ABTB2: variants seen among roughly 807,000 people sequenced by gnomAD.
ABTB2 encodes ankyrin repeat and BTB domain containing 2, also known as ankyrin repeat and BTB/POZ domain-containing protein 2.
A neutral mutation model predicts 104.1 loss-of-function variants in ABTB2; 56 were observed. The ratio of observed to expected loss-of-function variants is 0.54; its 90% CI spans 0.43 to 0.67. The LOEUF (loss-of-function observed/expected upper bound fraction) is 0.67, where lower values mean the gene tolerates loss of function less well. ABTB2 is among the 30% of genes least tolerant of loss of function. The pLI is 0.00. For missense variants in ABTB2, 1,279 were observed against 1,407.7 expected (o/e 0.91, Z 1.46); for synonymous variants, 606 against 608.2 (o/e 1.00, Z 0.05).
At position 34,152,144 on chromosome 11, in the gene ABTB2, A is replaced by C. The variant is rs1164246270; in HGVS notation, c.*243T>G. The stretch of plus-strand genomic sequence containing the variant: ...GAGTGCATGGCTGCCCTTGAGTTGC[A>C]AACTGAGATGGGGAGGAGGGCCACC... On this transcript the variant is annotated 3_prime_UTR_variant, in exon 17 of 17. Transcript: ENST00000435224. 1.9e-6 allele frequency: 1 copy of C among 528,450 alleles called. No individual in the cohort carries two copies. Among genetic ancestry groups the C allele is most frequent in the East Asian group, 3.4e-5 (1 of 29,652 alleles). 32.7% of individuals were successfully genotyped at this position (528,450 alleles called of 1,614,324 possible). A position where few individuals can be genotyped will look rare whatever the true frequency, so the allele number is the denominator to read the frequency against.
chr11:34,195,075 C>CGGA (rs1554982289), intron 3 of ABTB2, among the ~76,000 whole-genome samples: 2 of 18,076 alleles, frequency 1.1e-4, no homozygotes, highest in Non-Finnish European at 2.0e-4. Context: ...AGATGCCCGG[C>CGGA]GGGGGGGGGG....
intron 3 of ABTB2, among the ~76,000 whole-genome samples, chr11:34,194,159 G>A (rs1045667888): frequency 1.8e-4 from 28 of 152,178 alleles, no homozygotes; most frequent in Admixed American, 7.2e-4. Flanking sequence ...AGACTTGAGT[G>A]GTTCCATCAA....
chr11:34,317,803 T>A (rs960241840), intron 1 of ABTB2, among the ~76,000 whole-genome samples: 4 of 150,168 alleles, frequency 2.7e-5, no homozygotes, highest in Non-Finnish European at 4.4e-5. Flanking sequence ...TTTAAAAAAA[T>A]TTCAGATTTG....
chr11:34,171,605 A>G (rs1276575838), intron 4 of ABTB2, among the ~76,000 whole-genome samples: 1 of 152,154 alleles, frequency 6.6e-6, no homozygotes, highest in Non-Finnish European at 1.5e-5. Flanking sequence ...GTAAGTAAGT[A>G]AGTGTTCTGA....
At chr11:34,296,206 T>A in intron 1 of ABTB2, among the ~76,000 whole-genome samples, 1 of 152,084 alleles carries the variant, frequency 6.6e-6, no homozygotes, top group Admixed American at 6.6e-5. Flanking sequence ...TTGAGCTCCC[T>A]TGATGCCAGC....
rs762895712 is a variant in ABTB2 at position 34,356,990 on chromosome 11, G to A, written c.594C>T (p.Ser198=). The change falls in exon 1 of 17, where the codon TCC becomes TCT. Residue 198 remains serine, a synonymous_variant. Transcript: ENST00000435224. This position sits in a 1 kb window ranked among gnomAD's most constrained non-coding sequence, Gnocchi z 4.6. ...SAGDGLRRGK[S]ARCGLTFSVG... is the part of the protein sequence containing the mutation. The stretch of plus-strand genomic sequence containing the variant: ...CTGAGAAGGTGAGGCCGCAGCGCGC[G>A]GACTTGCCCCGGCGCAGCCCGTCGC... The A allele has an allele frequency of 5.7e-6, 9 of 1,586,966 alleles. No homozygotes were observed. The highest frequency in any genetic ancestry group is 3.6e-5 in the Admixed American group (2 of 55,710).
chr11:34,284,770 C>A (rs1260559289), intron 1 of ABTB2, among the ~76,000 whole-genome samples: 1 of 152,162 alleles, frequency 6.6e-6, no homozygotes, highest in Non-Finnish European at 1.5e-5. Context: ...GGACCCAAGT[C>A]CAGCACTGCA....
At chr11:34,262,861 G>A (rs1854204781) in intron 1 of ABTB2, among the ~76,000 whole-genome samples, 4 of 152,154 alleles carry the variant, frequency 2.6e-5, no homozygotes, top group Admixed American at 2.0e-4. Flanking sequence ...TCAGTACCCA[G>A]CACTGCGCTC....
chr11:34,211,699 G>A (rs1302937412), intron 1 of ABTB2, among the ~76,000 whole-genome samples: 1 of 151,890 alleles, frequency 6.6e-6, no homozygotes, highest in Non-Finnish European at 1.5e-5. Flanking sequence ...TTCGAGACCA[G>A]CCTGTCCAAC....
At chr11:34,308,497 C>A (rs1031824820) in intron 1 of ABTB2, among the ~76,000 whole-genome samples, 2 of 152,154 alleles carry the variant, frequency 1.3e-5, no homozygotes, top group African/African-American at 4.8e-5. Context: ...CCTGAGGGCA[C>A]AAGCACTGTA....
At chr11:34,260,735 G>A (rs1048643239) in intron 1 of ABTB2, among the ~76,000 whole-genome samples, 1 of 152,172 alleles carries the variant, frequency 6.6e-6, no homozygotes, top group Admixed American at 6.5e-5. Flanking sequence ...GAAGCCCATG[G>A]AGACTAAGTG....
Position 34,356,218 on chromosome 11 carries a change from C to T in ABTB2, c.883+483G>A, listed in dbSNP as rs980582836. ...AGATCTTGGGCTTCCCACTTCCCTC[C>T]GCCCATCTTACTTATCCAAGGTTCA... On this transcript the variant is annotated intron_variant, in intron 1 of 16. Coordinates refer to ENST00000435224, the MANE Select transcript of ABTB2 (RefSeq NM_145804.3). The surrounding 1 kb of genome is among the most constrained non-coding windows in gnomAD (Gnocchi z 4.6). Among the ~76,000 whole-genome samples, 4 of 152,200 alleles carry T rather than the reference C, an allele frequency of 2.6e-5. No homozygotes were observed. Among genetic ancestry groups the T allele is most frequent in the African/African-American group, 9.6e-5 (4 of 41,456 alleles).
intron 1 of ABTB2, among the ~76,000 whole-genome samples, chr11:34,351,291 TG>T (rs1012249832): frequency 2.1e-4 from 32 of 152,346 alleles, no homozygotes; most frequent in African/African-American, 7.2e-4. Flanking sequence ...AATTGTCCTC[TG>T]GGGCAGCTCT....
chr11:34,151,741 A>ACTC lies in ABTB2; in HGVS notation c.*643_*645dup, dbSNP rs1852541975. 2.0e-5 allele frequency: 3 copies of ACTC among 152,490 alleles called. 1 individual carries two copies. Among genetic ancestry groups the ACTC allele is most frequent in the South Asian group, 4.1e-4 (2 of 4,820 alleles). 9.4% of individuals were successfully genotyped at this position (152,490 alleles called of 1,614,324 possible). A position where few individuals can be genotyped will look rare whatever the true frequency, so the allele number is the denominator to read the frequency against. On this transcript the variant is annotated 3_prime_UTR_variant, in exon 17 of 17. Coordinates refer to ENST00000435224, the MANE Select transcript of ABTB2 (RefSeq NM_145804.3). ...CAAGCTGGTAGTCCTGATGGGAGGG[A>ACTC]CTCTGGAAGCCCAGGCACCAAAGAC... is the stretch of plus-strand genomic sequence containing the variant.
At chr11:34,184,170 G>C (rs949630764) in intron 3 of ABTB2, among the ~76,000 whole-genome samples, 2 of 152,118 alleles carry the variant, frequency 1.3e-5, no homozygotes, top group Non-Finnish European at 1.5e-5. Flanking sequence ...CTCACGAAAG[G>C]GGGAGCTGCT....
At chr11:34,268,132 C>T (rs189747540) in intron 1 of ABTB2, among the ~76,000 whole-genome samples, 1 of 152,060 alleles carries the variant, frequency 6.6e-6, no homozygotes, top group East Asian at 1.9e-4. Flanking sequence ...AGGTTTTCTC[C>T]ATGTTGCCCA....
Position 34,170,995 on chromosome 11 carries a change from A to G in ABTB2, c.1474T>C (p.Phe492Leu), listed in dbSNP as rs780786352. 6.2e-7 allele frequency: 1 copy of G among 1,614,200 alleles called. No homozygotes were observed. Reference protein sequence around the residue: ...ATEKFNQDLGFRMLNCGRTDL... With the variant: ...ATEKFNQDLGLRMLNCGRTDL... ...GTCCTCCCACAGTTGAGCATGCGGA[A>G]ACCCAGGTCCTGGTTGAATTTTTCA... The change falls in exon 5 of 17, where the codon TTC becomes CTC. Residue 492 changes from phenylalanine (F) to leucine (L), a missense_variant. Phe to Leu is a conservative substitution (Grantham distance 22). Coordinates refer to ENST00000435224, the MANE Select transcript of ABTB2 (RefSeq NM_145804.3).
chr11:34,336,970 G>A (rs1234641125), intron 1 of ABTB2, among the ~76,000 whole-genome samples: 1 of 152,098 alleles, frequency 6.6e-6, no homozygotes, highest in African/African-American at 2.4e-5. Flanking sequence ...CAAGTAAACT[G>A]AGGCACCGAG....
intron 1 of ABTB2, among the ~76,000 whole-genome samples, chr11:34,308,345 T>C (rs1226431391): frequency 6.6e-6 from 1 of 152,200 alleles, no homozygotes; most frequent in Non-Finnish European, 1.5e-5. Context: ...CACAGCTTGT[T>C]TAAAGCAGCA....
Sources: allele counts gnomAD v4.1 joint callset (sites outside exome capture counted in the v4.1 genomes callset), GRCh38; gene constraint gnomAD v4.1.1; non-coding constraint Gnocchi (gnomAD v3.1); transcripts MANE v1.5; gene names NCBI Gene and HGNC (gene_info 2026-07-23, HGNC 2026-07-21).